SUGCT: variants seen among roughly 807,000 people sequenced by gnomAD.
SUGCT encodes the protein succinyl-CoA:glutarate-CoA transferase, also known as succinyl-CoA:glutarate CoA-transferase.
SUGCT carries 41 observed loss-of-function variants against 55.0 expected under a neutral mutation model. The ratio of observed to expected loss-of-function variants is 0.74; its 90% CI spans 0.58 to 0.97. SUGCT has a LOEUF of 0.97. SUGCT is among the 50% of genes least tolerant of loss of function. The pLI is 0.00. For missense variants in SUGCT, 568 were observed against 547.8 expected (o/e 1.04, Z -0.37); for synonymous variants, 187 against 200.4 (o/e 0.93, Z 0.56).
chr7:41,009,433 T>C, the SUGCT span, among the ~76,000 whole-genome samples: 3 of 152,180 alleles, frequency 2.0e-5, no homozygotes, highest in African/African-American at 7.2e-5. Flanking sequence ...GGTAAAGCCA[T>C]GAATCTTCTT....
chr7:40,587,120 T>C (rs1194784582), intron 12 of SUGCT, among the ~76,000 whole-genome samples: 2 of 152,058 alleles, frequency 1.3e-5, no homozygotes, highest in East Asian at 1.9e-4. Flanking sequence ...GGCTCAGGAG[T>C]TGCCAGGAGC....
rs188927208 is a variant in SUGCT at position 40,413,696 on chromosome 7, A to G, written c.817-35591A>G. On this transcript the variant is annotated intron_variant, in intron 9 of 13. Transcript: ENST00000335693. The stretch of plus-strand genomic sequence containing the variant: ...ATGGCCAAAGATTGAGTCTTTATGT[A>G]TAATGAATTTTTACAAATTAATAAG... Among the ~76,000 whole-genome samples, 7 of 152,298 alleles carry G rather than the reference A, an allele frequency of 4.6e-5. No homozygotes were observed. In the East Asian group the frequency reaches 1.2e-3, roughly 25 times the overall value.
chr7:41,019,031 G>A, the SUGCT span, among the ~76,000 whole-genome samples: 28 of 151,512 alleles, frequency 1.8e-4, no homozygotes, highest in Admixed American at 1.4e-3. Context: ...TCAGCCTCCC[G>A]AGTAGCTGGG....
At chr7:40,279,970 T>G (rs1792845162) in intron 8 of SUGCT, among the ~76,000 whole-genome samples, 1 of 152,174 alleles carries the variant, frequency 6.6e-6, no homozygotes, top group African/African-American at 2.4e-5. Flanking sequence ...AAACACATTT[T>G]CCTACTCATT....
chr7:40,681,910 C>A (rs142862031), intron 12 of SUGCT, among the ~76,000 whole-genome samples: 150 of 152,208 alleles, frequency 9.9e-4, no homozygotes, highest in African/African-American at 3.3e-3. Context: ...GAGTTCAGTC[C>A]TCAGTTTTTC....
intron 7 of SUGCT, among the ~76,000 whole-genome samples, chr7:40,271,005 A>G (rs943760966): frequency 1.3e-5 from 2 of 151,856 alleles, no homozygotes; most frequent in Admixed American, 6.6e-5. Flanking sequence ...GTTTATTGCT[A>G]GTGTGTAGAA....
chr7:40,969,397 A>G, the SUGCT span, among the ~76,000 whole-genome samples: 1 of 152,196 alleles, frequency 6.6e-6, no homozygotes, highest in African/African-American at 2.4e-5. Flanking sequence ...ATGGTGCTCT[A>G]TTGCCCAGCC....
At chr7:40,660,218 T>A (rs1057415132) in intron 12 of SUGCT, among the ~76,000 whole-genome samples, 4 of 152,156 alleles carry the variant, frequency 2.6e-5, no homozygotes, top group Non-Finnish European at 4.4e-5. Flanking sequence ...GACATTGATA[T>A]ACAGCCAGTG....
At chr7:40,787,349 A>G (rs1790062708) in intron 13 of SUGCT, among the ~76,000 whole-genome samples, 2 of 152,130 alleles carry the variant, frequency 1.3e-5, no homozygotes, top group Admixed American at 1.3e-4. Flanking sequence ...GGGCATTACC[A>G]TTTCTTGGTG....
At chr7:40,700,650 T>C (rs887488724) in intron 12 of SUGCT, among the ~76,000 whole-genome samples, 1 of 152,212 alleles carries the variant, frequency 6.6e-6, no homozygotes, top group Non-Finnish European at 1.5e-5. Flanking sequence ...ATTGACCATG[T>C]CGGTGGTTTT....
At chr7:40,227,404 C>T (rs547198833) in intron 6 of SUGCT, among the ~76,000 whole-genome samples, 219 of 152,126 alleles carry the variant, frequency 1.4e-3, no homozygotes, top group African/African-American at 4.6e-3. Flanking sequence ...TAATTCATGG[C>T]CAATCTTACT....
intron 9 of SUGCT, among the ~76,000 whole-genome samples, chr7:40,411,052 G>A (rs1055182896): frequency 1.3e-5 from 2 of 152,100 alleles, no homozygotes; most frequent in Non-Finnish European, 2.9e-5. Flanking sequence ...AAAAAATATA[G>A]AGTGGGAAAA....
the SUGCT span, among the ~76,000 whole-genome samples, chr7:41,035,455 T>A: frequency 1.3e-5 from 2 of 152,156 alleles, no homozygotes; most frequent in Admixed American, 1.3e-4. Flanking sequence ...GGCTGCGTTG[T>A]TTCCATCATG....
chr7:40,273,294 T>C (rs1176549824), intron 7 of SUGCT, among the ~76,000 whole-genome samples: 1 of 152,176 alleles, frequency 6.6e-6, no homozygotes, highest in African/African-American at 2.4e-5. Context: ...AACAGTACTT[T>C]TGCAAAACAA....
chr7:40,337,558 C>G (rs541869812), intron 9 of SUGCT, among the ~76,000 whole-genome samples: 4 of 152,134 alleles, frequency 2.6e-5, no homozygotes, highest in Non-Finnish European at 5.9e-5. Flanking sequence ...TTATCAGAGA[C>G]TAGGATTGCA....
chr7:40,360,716 G>A (rs1798110813), intron 9 of SUGCT, among the ~76,000 whole-genome samples: 1 of 152,218 alleles, frequency 6.6e-6, no homozygotes, highest in African/African-American at 2.4e-5. Context: ...AGAGGGAGCA[G>A]TGAATATAAC....
intron 8 of SUGCT, among the ~76,000 whole-genome samples, chr7:40,288,880 C>G (rs1793528951): frequency 6.6e-6 from 1 of 152,116 alleles, no homozygotes; most frequent in Admixed American, 6.6e-5. Flanking sequence ...ATCAAAGTCT[C>G]AATAGCCACA....
At chr7:40,275,029 G>A (rs1479320583) in intron 8 of SUGCT, among the ~76,000 whole-genome samples, 2 of 152,088 alleles carry the variant, frequency 1.3e-5, no homozygotes, top group South Asian at 2.1e-4. Context: ...TCGAACTCCC[G>A]ACCTCAGGTG....
chr7:40,983,268 G>A, the SUGCT span, among the ~76,000 whole-genome samples: 1 of 152,090 alleles, frequency 6.6e-6, no homozygotes, highest in Non-Finnish European at 1.5e-5. Flanking sequence ...CCCCATGCTT[G>A]TTTACTGCTA....
Sources: gnomAD v4.1 joint callset for allele counts (sites outside exome capture counted in the v4.1 genomes callset) on GRCh38, gnomAD v4.1.1 for gene constraint, MANE v1.5 for transcripts, NCBI Gene and HGNC (gene_info 2026-07-23, HGNC 2026-07-21) for gene names.